POC5: variants seen among roughly 807,000 people sequenced by gnomAD.
The protein encoded by POC5 is centrosomal protein POC5.
A neutral mutation model predicts 62.9 loss-of-function variants in POC5; 48 were observed. That is an observed-to-expected ratio of 0.76 (90% CI 0.61 to 0.97). The LOEUF is 0.97. POC5 is among the 50% of genes least tolerant of loss of function. POC5 has a pLI of 0.00. For missense variants in POC5, 696 were observed against 679.5 expected, an observed-to-expected ratio of 1.02 and a Z score of -0.27; for synonymous variants, 236 against 228.2, an observed-to-expected ratio of 1.03 and a Z score of -0.31.
At chr5:75,703,906 C>T (rs1018827307) in intron 4 of POC5, among the ~76,000 whole-genome samples, 39 of 151,364 alleles carry the variant, frequency 2.6e-4, no homozygotes, top group African/African-American at 8.5e-4. Flanking sequence ...CTGTAATCCC[C>T]GCACTTTGGG....
intron 10 of POC5, among the ~76,000 whole-genome samples, chr5:75,680,005 G>A (rs1427427694): frequency 6.6e-6 from 1 of 152,034 alleles, no homozygotes; most frequent in African/African-American, 2.4e-5. Context: ...TGGATCTTAT[G>A]AAATTGAAAA....
At chr5:75,689,230 T>G in intron 8 of POC5, 65 bp from the exon 9 acceptor site, 4 of 1,449,542 alleles carry the variant, frequency 2.8e-6, no homozygotes, top group Non-Finnish European at 3.6e-6. Context: ...GTCAAAAAAA[T>G]AGATATATAC....
rs544835638 is a variant in POC5 at position 75,690,598 on chromosome 5, T to G, written c.796-36A>C. Reference sequence around the variant, plus strand: ...GTAAAATATAACTTCAAAAACACAGTTGATTGATAAATATATTGGTAGTAA... The same window carrying G: ...GTAAAATATAACTTCAAAAACACAGGTGATTGATAAATATATTGGTAGTAA... On this transcript the variant is annotated intron_variant, in intron 7 of 11. Coordinates refer to ENST00000428202, the MANE Select transcript of POC5 (RefSeq NM_001099271.2). The G allele has an allele frequency of 1.1e-5, 16 of 1,454,702 alleles. No homozygotes were observed. In the African/African-American group the frequency reaches 1.9e-4, roughly 17 times the overall value. 90.1% of individuals were successfully genotyped at this position (1,454,702 alleles called of 1,614,324 possible).
chr5:75,681,894 C>A (rs1308190043), intron 10 of POC5, among the ~76,000 whole-genome samples: 1 of 152,108 alleles, frequency 6.6e-6, no homozygotes, highest in Non-Finnish European at 1.5e-5. Flanking sequence ...AGTAAGTTAG[C>A]CAACTACTGG....
intron 4 of POC5, among the ~76,000 whole-genome samples, chr5:75,703,614 ACT>A (rs956667667): frequency 6.6e-6 from 1 of 151,930 alleles, no homozygotes; most frequent in Non-Finnish European, 1.5e-5. Flanking sequence ...ACAGAATGAG[ACT>A]CTGTCTCCAA....
chr5:75,685,028 C>A (rs554374585), intron 10 of POC5, among the ~76,000 whole-genome samples, 179 bp downstream of exon 10: 17 of 152,096 alleles, frequency 1.1e-4, no homozygotes, highest in African/African-American at 4.1e-4. Context: ...CCACCACACC[C>A]GGCTAATTTT....
At chr5:75,707,900 T>C (rs377460323) in intron 2 of POC5, 25 bp from the exon 3 acceptor site, 18 of 1,546,270 alleles carry the variant, frequency 1.2e-5, no homozygotes, top group Admixed American at 7.4e-5. Context: ...TAATCAATAA[T>C]GTAGTGTAAC....
At chr5:75,696,310 CCT>C (rs1300228629) in intron 5 of POC5, among the ~76,000 whole-genome samples, 1 of 152,158 alleles carries the variant, frequency 6.6e-6, no homozygotes, top group Non-Finnish European at 1.5e-5. Flanking sequence ...CTTAAATGTC[CCT>C]GTCTGACAGC....
chr5:75,683,013 C>G (rs982126977), intron 10 of POC5, among the ~76,000 whole-genome samples: 1 of 152,214 alleles, frequency 6.6e-6, no homozygotes, highest in African/African-American at 2.4e-5. Flanking sequence ...CTCAATACCT[C>G]CTTTAGCTAC....
rs574973521 is a variant in POC5 at position 75,678,157 on chromosome 5, C to T, written c.1408-207G>A. 5.9e-5 allele frequency among the ~76,000 whole-genome samples: 9 copies of T among 151,508 alleles called. No homozygotes were observed. In the East Asian group the frequency reaches 1.5e-3, roughly 26 times the overall value. On this transcript the variant is annotated intron_variant, in intron 10 of 11. Coordinates refer to ENST00000428202, the MANE Select transcript of POC5 (RefSeq NM_001099271.2). ...TATCCCTTTAACCTGAGTATGCCAACGATTTTATAAGATTTTAGAAACTTA... is the reference window on the plus strand; with the variant it reads ...TATCCCTTTAACCTGAGTATGCCAATGATTTTATAAGATTTTAGAAACTTA...
intron 2 of POC5, 66 bp downstream of exon 2, chr5:75,712,788 G>C (rs1400870934): frequency 1.7e-6 from 2 of 1,211,364 alleles, no homozygotes; most frequent in Non-Finnish European, 2.3e-6. Context: ...AAAAATCCTA[G>C]TTTTCCCTTA....
At chr5:75,679,660 T>C (rs1442387597) in intron 10 of POC5, among the ~76,000 whole-genome samples, 1 of 152,080 alleles carries the variant, frequency 6.6e-6, no homozygotes, top group Non-Finnish European at 1.5e-5. Flanking sequence ...AGAAAGGAAA[T>C]GTAGTCATAG....
chr5:75,686,049 G>C (rs1561464688), intron 9 of POC5, among the ~76,000 whole-genome samples: 1 of 152,052 alleles, frequency 6.6e-6, no homozygotes, highest in Non-Finnish European at 1.5e-5. Flanking sequence ...AAAAGAAATG[G>C]GTTCTTGCAG....
intron 6 of POC5, 63 bp downstream of exon 6, chr5:75,694,592 G>T (rs944395833): frequency 4.0e-6 from 5 of 1,264,706 alleles, no homozygotes. Context: ...TCATTTCTTA[G>T]AATTTATTAT....
Position 75,701,779 on chromosome 5 carries a change from C to A in POC5, c.513+826G>T, listed in dbSNP as rs945209032. ...AAACCCACTTACTATTTCTGCAATA[C>A]TTTGTTTTACTTAAAGGCCAGTAGT... On this transcript the variant is annotated intron_variant, in intron 5 of 11. Coordinates refer to ENST00000428202, the MANE Select transcript of POC5 (RefSeq NM_001099271.2). Among the ~76,000 whole-genome samples, 191 of 152,174 alleles carry A rather than the reference C, an allele frequency of 1.3e-3. 1 individual carries two copies. The highest frequency in any genetic ancestry group is 4.4e-3 in the African/African-American group (181 of 41,540).
chr5:75,697,054 G>A (rs572828601), intron 5 of POC5, among the ~76,000 whole-genome samples: 1 of 152,300 alleles, frequency 6.6e-6, no homozygotes, highest in East Asian at 1.9e-4. Context: ...ATGGGACTAC[G>A]TGAAAAGACC....
intron 3 of POC5, among the ~76,000 whole-genome samples, chr5:75,706,792 C>A (rs1018153416): frequency 1.3e-5 from 2 of 152,152 alleles, no homozygotes; most frequent in Non-Finnish European, 2.9e-5. Flanking sequence ...CTCAAGCAAT[C>A]CTCCTGCCTC....
Position 75,689,419 on chromosome 5 carries a change from G to A in POC5, c.976-254C>T, listed in dbSNP as rs922515795. 9 of 985,024 alleles carry A rather than the reference G, an allele frequency of 9.1e-6. No homozygotes were observed. The African/African-American group carries it at 1.6e-4, about 17-fold the overall frequency. The allele number at this position is 985,024 out of a possible 1,614,324, so 61.0% of individuals were successfully genotyped here. A position where few individuals can be genotyped will look rare whatever the true frequency, so the allele number is the denominator to read the frequency against. On this transcript the variant is annotated intron_variant, in intron 8 of 11. Transcript: ENST00000428202. ...ATTTTATCCAGTCCCATTGAATATT[G>A]CTGATGTATTTTCATTTCACAAAAA... is the stretch of plus-strand genomic sequence containing the variant.
Position 75,677,807 on chromosome 5 carries a change from T to C in POC5, c.1551A>G (p.Ser517=), listed in dbSNP as rs1775727461. Residue 517 remains serine (S), a synonymous_variant, in exon 11 of 12, where the codon TCA becomes TCG. Coordinates refer to ENST00000428202, the MANE Select transcript of POC5 (RefSeq NM_001099271.2). ...CTGGATGATGTTTTTCCACAACAAC[T>C]GAGCTCATGGGAGGAGAAACTCCCA... is the stretch of plus-strand genomic sequence containing the variant. ...AIMGVSPPMS[S]VVVEKHHPVT... 6.2e-7 allele frequency: 1 copy of C among 1,611,220 alleles called. No individual in the cohort carries two copies. Among genetic ancestry groups the C allele is most frequent in the East Asian group, 2.2e-5 (1 of 44,742 alleles).
Sources: allele counts gnomAD v4.1 joint callset (sites outside exome capture counted in the v4.1 genomes callset), GRCh38; gene constraint gnomAD v4.1.1; transcripts MANE v1.5; gene names NCBI Gene and HGNC (gene_info 2026-07-23, HGNC 2026-07-21).